The following TMEM163 variants were observed in gnomAD, a reference collection of about 807,000 sequenced individuals.
The protein encoded by TMEM163 is transmembrane protein 163.
Under a neutral mutation model 29.3 loss-of-function variants are expected in TMEM163, and 17 were observed. The ratio of observed to expected loss-of-function variants is 0.58; its 90% CI spans 0.40 to 0.87. The LOEUF is 0.87. TMEM163 is among the 40% of genes least tolerant of loss of function. TMEM163 has a pLI of 0.00. For missense variants in TMEM163, 303 were observed against 381.5 expected, an observed-to-expected ratio of 0.79 and a Z score of 1.71; for synonymous variants, 157 against 160.6, an observed-to-expected ratio of 0.98 and a Z score of 0.17.
intron 2 of TMEM163, among the ~76,000 whole-genome samples, chr2:134,628,660 G>A (rs752989968): frequency 6.6e-6 from 1 of 152,262 alleles, no homozygotes; most frequent in South Asian, 2.1e-4. Context: ...TCATTGCTGG[G>A]AGGATTAAGG....
intron 2 of TMEM163, among the ~76,000 whole-genome samples, chr2:134,562,043 T>C (rs1002929793): frequency 2.1e-4 from 32 of 152,232 alleles, no homozygotes; most frequent in African/African-American, 7.5e-4. Flanking sequence ...AACAGAACTT[T>C]CGCATTTTAT....
intron 2 of TMEM163, among the ~76,000 whole-genome samples, chr2:134,584,484 CA>C (rs1239561021): frequency 6.6e-5 from 10 of 152,190 alleles, no homozygotes; most frequent in Non-Finnish European, 1.5e-5. Flanking sequence ...GCTCTATGGT[CA>C]CCCATGTGAA....
At chr2:134,511,120 CAG>C (rs1323400855) in intron 4 of TMEM163, among the ~76,000 whole-genome samples, 1 of 134,854 alleles carries the variant, frequency 7.4e-6, no homozygotes, top group East Asian at 2.3e-4. Flanking sequence ...ACATTATATA[CAG>C]AGACAAAGCA....
At chr2:134,688,501 C>T (rs1207061726) in intron 2 of TMEM163, among the ~76,000 whole-genome samples, 2 of 152,148 alleles carry the variant, frequency 1.3e-5, no homozygotes, top group Non-Finnish European at 2.9e-5. Context: ...AGTCCTTCTA[C>T]CGGGGAATAT....
chr2:134,591,516 G>C (rs1312206696), intron 2 of TMEM163, among the ~76,000 whole-genome samples: 4 of 152,130 alleles, frequency 2.6e-5, no homozygotes, highest in Non-Finnish European at 1.5e-5. Flanking sequence ...AACCATCTGG[G>C]AATGCAGCCC....
chr2:134,474,346 G>A (rs747276881), intron 5 of TMEM163, among the ~76,000 whole-genome samples: 4 of 152,246 alleles, frequency 2.6e-5, no homozygotes, highest in East Asian at 1.9e-4. Flanking sequence ...AGAAACAGAG[G>A]AAGCCAAAGA....
chr2:134,621,600 C>A (rs191458843), intron 2 of TMEM163, among the ~76,000 whole-genome samples: 1 of 152,196 alleles, frequency 6.6e-6, no homozygotes, highest in Admixed American at 6.6e-5. Flanking sequence ...AATAAATAAA[C>A]CCAATGTGGG....
At chr2:134,602,649 T>G (rs1002045650) in intron 2 of TMEM163, among the ~76,000 whole-genome samples, 1 of 152,174 alleles carries the variant, frequency 6.6e-6, no homozygotes, top group African/African-American at 2.4e-5. Flanking sequence ...ATTCCTCTTT[T>G]GAAACCACTT....
intron 1 of TMEM163, among the ~76,000 whole-genome samples, chr2:134,716,611 C>A (rs190504392): frequency 4.6e-5 from 7 of 152,126 alleles, no homozygotes; most frequent in African/African-American, 1.7e-4. Flanking sequence ...CAGAGACACA[C>A]GGCAGGCAAG....
chr2:134,528,574 A>C (rs1680344748), intron 4 of TMEM163, among the ~76,000 whole-genome samples: 1 of 152,228 alleles, frequency 6.6e-6, no homozygotes, highest in Non-Finnish European at 1.5e-5. Context: ...AATCTTGATC[A>C]GCCAAACAAT....
At chr2:134,611,924 A>C (rs994811181) in intron 2 of TMEM163, among the ~76,000 whole-genome samples, 2 of 152,224 alleles carry the variant, frequency 1.3e-5, no homozygotes, top group African/African-American at 2.4e-5. Context: ...CTGTAAATGA[A>C]ACCAGGAGTT....
At chr2:134,544,565 G>T (rs559190630) in intron 4 of TMEM163, among the ~76,000 whole-genome samples, 1 of 152,244 alleles carries the variant, frequency 6.6e-6, no homozygotes, top group East Asian at 1.9e-4. Context: ...AGGCCAAGGT[G>T]GGCAGATCAC....
In TMEM163 at chr2:134,560,997, C is replaced by T. The variant is rs555448913; in HGVS notation, c.323-8906G>A. ...TAATGACAAAACTTCCTCAACACCA[C>T]AGCACACTTTCACTGTGCTGCTTCT... On this transcript the variant is annotated intron_variant, in intron 2 of 7. Coordinates refer to ENST00000281924, the MANE Select transcript of TMEM163 (RefSeq NM_030923.5). Among the ~76,000 whole-genome samples, 10 of 152,352 alleles carry T rather than the reference C, an allele frequency of 6.6e-5. No individual in the cohort carries two copies. The South Asian group carries it at 2.1e-3, about 32-fold the overall frequency.
At chr2:134,467,872 T>C (rs1364755916) in intron 5 of TMEM163, 1 of 152,256 alleles carries the variant, frequency 6.6e-6, no homozygotes, top group East Asian at 1.9e-4. Context: ...AACTCTTCTA[T>C]TAATCTAAAA....
intron 2 of TMEM163, among the ~76,000 whole-genome samples, chr2:134,674,574 G>A (rs1453452343): frequency 6.6e-6 from 1 of 151,604 alleles, no homozygotes; most frequent in African/African-American, 2.4e-5. Flanking sequence ...TGGCCAGGCT[G>A]GTCTCAATCT....
chr2:134,612,464 T>C (rs1309429813), intron 2 of TMEM163, among the ~76,000 whole-genome samples: 5 of 151,270 alleles, frequency 3.3e-5, no homozygotes, highest in Admixed American at 3.3e-4. Flanking sequence ...CCAGAGCAGA[T>C]TTTAAGCCCT....
rs553510728 is a variant in TMEM163 at position 134,589,815 on chromosome 2, G to A, written c.323-37724C>T. On this transcript the variant is annotated intron_variant, in intron 2 of 7. Transcript: ENST00000281924. ...CTCGCCCTGAATTCTTTTCTTGCAC[G>A]AGATCCAAGAACCCTCTCTTGGGGT... Among the ~76,000 whole-genome samples the A allele has an allele frequency of 1.4e-4, 21 of 152,148 alleles. No individual in the cohort carries two copies. In the East Asian group the frequency reaches 1.9e-3, roughly 14 times the overall value.
chr2:134,475,374 G>C (rs1686890515), intron 5 of TMEM163, among the ~76,000 whole-genome samples: 1 of 151,966 alleles, frequency 6.6e-6, no homozygotes, highest in Admixed American at 6.5e-5. Context: ...AATTTTAGAT[G>C]GACTGCAGAT....
At chr2:134,558,534 G>A (rs1186541388) in intron 2 of TMEM163, among the ~76,000 whole-genome samples, 4 of 152,174 alleles carry the variant, frequency 2.6e-5, no homozygotes, top group African/African-American at 7.2e-5. Context: ...AAATGGACAG[G>A]ACCCAGGCAA....
Sources: gnomAD v4.1 joint callset for allele counts (sites outside exome capture counted in the v4.1 genomes callset) on GRCh38, gnomAD v4.1.1 for gene constraint, MANE v1.5 for transcripts, NCBI Gene and HGNC (gene_info 2026-07-23, HGNC 2026-07-21) for gene names.